Variants in EFCAB13 observed in about 807,000 individuals in gnomAD.
EFCAB13 encodes EF-hand calcium-binding domain-containing protein 13.
In EFCAB13, 91 loss-of-function variants were observed where a neutral mutation model predicts 110.2. That is an observed-to-expected ratio of 0.83 (90% CI 0.70 to 0.98). The LOEUF (loss-of-function observed/expected upper bound fraction) is 0.98, where lower values mean the gene tolerates loss of function less well. Ranked by LOEUF, EFCAB13 falls within the 50% of genes least tolerant of loss-of-function variation. The pLI is 0.00. For synonymous variants in EFCAB13, 323 were observed against 369.9 expected, an observed-to-expected ratio of 0.87 and a Z score of 1.45; for missense variants, 968 against 1,119.4, an observed-to-expected ratio of 0.86 and a Z score of 1.93.
intron 23 of EFCAB13, among the ~76,000 whole-genome samples, chr17:47,424,968 C>T (rs1443245703): frequency 7.4e-6 from 1 of 135,528 alleles, no homozygotes; most frequent in African/African-American, 2.8e-5. Flanking sequence ...CTGCAAGCTC[C>T]GCCTCCCGGG....
At position 47,424,253 on chromosome 17, in the gene EFCAB13, C is replaced by T. The variant is rs188609436; in HGVS notation, c.2495-5565C>T. 2.0e-5 allele frequency among the ~76,000 whole-genome samples: 3 copies of T among 152,292 alleles called. No individual in the cohort carries two copies. In the East Asian group the frequency reaches 5.8e-4, roughly 30 times the overall value. ...GGGACTCCCGAGCGGCTCGGAGTGG[C>T]CCCTTGGACGCCGGGGAAGAGGAGA... On this transcript the variant is annotated intron_variant, in intron 23 of 24. Coordinates refer to ENST00000331493, the MANE Select transcript of EFCAB13 (RefSeq NM_152347.5).
intron 9 of EFCAB13, among the ~76,000 whole-genome samples, chr17:47,358,397 A>G (rs2065492773): frequency 1.3e-5 from 2 of 152,172 alleles, no homozygotes; most frequent in Admixed American, 6.5e-5. Context: ...TGCAGGAACT[A>G]TCTTGTTTAA....
chr17:47,340,676 C>G (rs999595868), intron 5 of EFCAB13, among the ~76,000 whole-genome samples: 1 of 151,184 alleles, frequency 6.6e-6, no homozygotes, highest in Non-Finnish European at 1.5e-5. Context: ...GATCTTGGCT[C>G]GCAACCTCTG....
In EFCAB13 at chr17:47,355,698, G is replaced by A. The variant is rs573192830; in HGVS notation, c.662-5680G>A. On this transcript the variant is annotated intron_variant, in intron 9 of 24. Coordinates refer to ENST00000331493, the MANE Select transcript of EFCAB13 (RefSeq NM_152347.5). ...AGTGATTCTTCTACCTCAGCCTCCC[G>A]AATAGCTGGGACTACAGTCGCGCGC... 2.7e-5 allele frequency among the ~76,000 whole-genome samples: 4 copies of A among 150,216 alleles called. No homozygotes were observed. In the East Asian group the frequency reaches 6.0e-4, roughly 22 times the overall value.
chr17:47,354,871 A>G (rs1273138200), intron 9 of EFCAB13, among the ~76,000 whole-genome samples: 7 of 152,096 alleles, frequency 4.6e-5, no homozygotes, highest in Admixed American at 3.9e-4. Flanking sequence ...TTTACATTCA[A>G]TGTTAGTGTT....
intron 9 of EFCAB13, among the ~76,000 whole-genome samples, chr17:47,353,206 G>A (rs891108033): frequency 6.6e-6 from 1 of 151,956 alleles, no homozygotes; most frequent in Non-Finnish European, 1.5e-5. Context: ...GTAGGATGTT[G>A]GCTGTGGGTT....
intron 10 of EFCAB13, among the ~76,000 whole-genome samples, chr17:47,367,039 G>A (rs1352138085): frequency 6.6e-6 from 1 of 152,194 alleles, no homozygotes; most frequent in Non-Finnish European, 1.5e-5. Context: ...TAGGACTTAA[G>A]CCATGATCTA....
intron 16 of EFCAB13, among the ~76,000 whole-genome samples, chr17:47,394,514 A>G (rs1394058680): frequency 6.6e-6 from 1 of 152,140 alleles, no homozygotes; most frequent in Non-Finnish European, 1.5e-5. Context: ...ACATTTATGA[A>G]CCATTAATAT....
chr17:47,390,400 C>T (rs1283794771), intron 14 of EFCAB13, among the ~76,000 whole-genome samples: 1 of 151,906 alleles, frequency 6.6e-6, no homozygotes, highest in Admixed American at 6.6e-5. Flanking sequence ...ATTTAAGGTG[C>T]CACCTCTACT....
chr17:47,389,470 A>G (rs1380828350), intron 14 of EFCAB13, among the ~76,000 whole-genome samples: 8 of 152,104 alleles, frequency 5.3e-5, no homozygotes, highest in Non-Finnish European at 7.4e-5. Flanking sequence ...TTACAATCCC[A>G]AGTCTTAGAG....
chr17:47,412,922 C>G lies in EFCAB13; in HGVS notation c.2422+6C>G, dbSNP rs1218956925. On this transcript the variant is annotated splice_donor_region_variant and intron_variant, in intron 22 of 24. Transcript: ENST00000331493. ...TAACTGTTGTAACGTCAGTGGTGAGCATTTTTTTGGCCTGAGATTCTTTTC... is the reference window on the plus strand; with the variant it reads ...TAACTGTTGTAACGTCAGTGGTGAGGATTTTTTTGGCCTGAGATTCTTTTC... 2 of 1,600,652 alleles carry G rather than the reference C, an allele frequency of 1.2e-6. No individual in the cohort carries two copies. The highest frequency in any genetic ancestry group is 1.7e-6 in the Non-Finnish European group (2 of 1,173,764).
chr17:47,379,227 A>G lies in EFCAB13; in HGVS notation c.1556A>G (p.Lys519Arg). The change falls in exon 14 of 25, where the codon AAG becomes AGG. Residue 519 changes from lysine to arginine, a missense_variant. Transcript: ENST00000331493. The stretch of plus-strand genomic sequence containing the variant: ...GATGACTTTGTAAATGCTCTCGCCA[A>G]GGAGCGAAGTTTTCCTGAATGCAAT... ...ELDDFVNALA[K>R]ERSFPECNAL... 1 of 1,613,568 alleles carries G rather than the reference A, an allele frequency of 6.2e-7. No individual in the cohort carries two copies. Among genetic ancestry groups the G allele is most frequent in the Non-Finnish European group, 8.5e-7 (1 of 1,179,634 alleles).
At chr17:47,403,057 T>A (rs2065787019) in intron 18 of EFCAB13, among the ~76,000 whole-genome samples, 1 of 152,274 alleles carries the variant, frequency 6.6e-6, no homozygotes, top group African/African-American at 2.4e-5. Flanking sequence ...GTTTTCTGGG[T>A]GTCAGCAAAG....
At chr17:47,414,806 A>G (rs763829874) in intron 22 of EFCAB13, 42 bp from the exon 23 acceptor site, 1 of 1,303,192 alleles carries the variant, frequency 7.7e-7, no homozygotes, top group African/African-American at 1.5e-5. Context: ...CCAATTCAGT[A>G]TCAGGTTTTT....
chr17:47,426,635 T>C (rs544402199), intron 23 of EFCAB13, among the ~76,000 whole-genome samples: 11 of 152,332 alleles, frequency 7.2e-5, no homozygotes, highest in African/African-American at 2.6e-4. Flanking sequence ...TAAATTTTGC[T>C]TTCTATGGAA....
chr17:47,366,063 A>T (rs1223380661), intron 10 of EFCAB13, among the ~76,000 whole-genome samples: 1 of 152,128 alleles, frequency 6.6e-6, no homozygotes, highest in Non-Finnish European at 1.5e-5. Flanking sequence ...AAGACATAGC[A>T]CTGCAGGTAC....
Position 47,335,313 on chromosome 17 carries a change from A to T in EFCAB13, c.148A>T (p.Ile50Phe). The T allele has an allele frequency of 6.2e-7, 1 of 1,606,156 alleles. No homozygotes were observed. Reference protein sequence around the residue: ...IKFSKTIEKEISPEIRSLSPE... With the variant: ...IKFSKTIEKEFSPEIRSLSPE... ...GTTTTCTAAAACAATAGAGAAGGAA[A>T]TTTCACCGGAAATTAGGAGTTTGAG... Residue 50 changes from isoleucine to phenylalanine, a missense_variant, in exon 5 of 25, where the codon ATT becomes TTT. Physicochemically the swap from Ile to Phe is conservative, Grantham distance 21. Coordinates refer to ENST00000331493, the MANE Select transcript of EFCAB13 (RefSeq NM_152347.5).
chr17:47,352,234 A>C (rs1372436642), intron 9 of EFCAB13, among the ~76,000 whole-genome samples: 1 of 151,912 alleles, frequency 6.6e-6, no homozygotes, highest in Non-Finnish European at 1.5e-5. Context: ...CAAGTATTAC[A>C]TTTAAGTTTA....
At chr17:47,423,617 C>G (rs1285527427) in intron 23 of EFCAB13, 7 of 357,156 alleles carry the variant, frequency 2.0e-5, no homozygotes, top group Non-Finnish European at 3.5e-5. Context: ...CCGCGCGCCC[C>G]GGTCCATTGT....
Sources: gnomAD v4.1 joint callset for allele counts (sites outside exome capture counted in the v4.1 genomes callset) on GRCh38, gnomAD v4.1.1 for gene constraint, MANE v1.5 for transcripts, NCBI Gene and HGNC (gene_info 2026-07-23, HGNC 2026-07-21) for gene names.